STAG1: variants seen among roughly 807,000 people sequenced by gnomAD.
STAG1 encodes the protein STAG1 cohesin complex component, also known as cohesin subunit SA-1.
Under a neutral mutation model 170.9 loss-of-function variants are expected in STAG1, and 26 were observed. That is an observed-to-expected ratio of 0.15 (90% CI 0.11 to 0.21). The LOEUF (loss-of-function observed/expected upper bound fraction) is 0.21. Ranked by LOEUF, STAG1 falls within the 10% of genes least tolerant of loss-of-function variation. STAG1 has a pLI of 1.00. For synonymous variants in STAG1, 514 were observed against 497.7 expected (o/e 1.03, Z -0.44); for missense variants, 964 against 1,509.5 (o/e 0.64, Z 5.99).
chr3:136,565,947 T>C (rs1411596585), intron 5 of STAG1, among the ~76,000 whole-genome samples: 1 of 152,220 alleles, frequency 6.6e-6, no homozygotes, highest in African/African-American at 2.4e-5. Context: ...ATGGTGTGGT[T>C]CCTTTTATAT....
chr3:136,716,892 A>G (rs1576803764), intron 1 of STAG1, among the ~76,000 whole-genome samples: 1 of 152,352 alleles, frequency 6.6e-6, no homozygotes, highest in East Asian at 1.9e-4. Flanking sequence ...TTCCAAGCCT[A>G]GTTTCCTCAT....
At chr3:136,690,940 C>A (rs969701216) in intron 1 of STAG1, among the ~76,000 whole-genome samples, 1 of 151,068 alleles carries the variant, frequency 6.6e-6, no homozygotes, top group South Asian at 2.1e-4. Context: ...ACTGCAATAT[C>A]CAACGGGGCA....
At chr3:136,451,791 A>T (rs2088950418) in intron 14 of STAG1, among the ~76,000 whole-genome samples, 2 of 152,038 alleles carry the variant, frequency 1.3e-5, no homozygotes, top group Admixed American at 1.3e-4. Flanking sequence ...GATATGCAGT[A>T]TTGCAATACT....
At chr3:136,395,687 A>T (rs755809245) in intron 22 of STAG1, among the ~76,000 whole-genome samples, 6 of 152,218 alleles carry the variant, frequency 3.9e-5, no homozygotes, top group Non-Finnish European at 5.9e-5. Context: ...ACTATCAATT[A>T]TGCTGAATTT....
At chr3:136,390,722 G>C (rs1335220933) in intron 22 of STAG1, among the ~76,000 whole-genome samples, 2 of 152,188 alleles carry the variant, frequency 1.3e-5, no homozygotes, top group Non-Finnish European at 2.9e-5. Flanking sequence ...TCTCAAAGCA[G>C]TTAACTCTGC....
chr3:136,405,791 C>CAA (rs34952291), intron 21 of STAG1, among the ~76,000 whole-genome samples: 508 of 50,088 alleles, frequency 0.01, 26 homozygotes, highest in African/African-American at 0.03. Context: ...ACTCTATCTC[C>CAA]AAAAAAAAAA....
intron 1 of STAG1, among the ~76,000 whole-genome samples, chr3:136,727,703 T>C (rs1018659103): frequency 2.6e-5 from 4 of 152,234 alleles, no homozygotes; most frequent in African/African-American, 7.2e-5. Context: ...GAAAGCGAAA[T>C]ATCCATTAAC....
At position 136,534,357 on chromosome 3, in the gene STAG1, G is replaced by A. The variant is rs576337053; in HGVS notation, c.471+7762C>T. Among the ~76,000 whole-genome samples the A allele has an allele frequency of 3.3e-5, 5 of 152,114 alleles. No individual in the cohort carries two copies. The South Asian group carries it at 8.3e-4, about 25-fold the overall frequency. On this transcript the variant is annotated intron_variant, in intron 6 of 33. Coordinates refer to ENST00000383202, the MANE Select transcript of STAG1 (RefSeq NM_005862.3). Reference sequence around the variant, plus strand: ...CACTGGTCTAGGCAAATAATTTATAGCCAAGACATCAAAAGCACAGACAAC... The same window carrying A: ...CACTGGTCTAGGCAAATAATTTATAACCAAGACATCAAAAGCACAGACAAC...
chr3:136,614,658 T>C (rs143597392), intron 3 of STAG1, among the ~76,000 whole-genome samples: 1 of 152,224 alleles, frequency 6.6e-6, no homozygotes, highest in Non-Finnish European at 1.5e-5. Flanking sequence ...ACATTTCTAG[T>C]AAACTGTTTT....
intron 5 of STAG1, among the ~76,000 whole-genome samples, chr3:136,559,020 T>C (rs1456344587): frequency 6.6e-6 from 1 of 152,188 alleles, no homozygotes; most frequent in Non-Finnish European, 1.5e-5. Context: ...AGAAATGTGC[T>C]ACTGGCATCT....
At chr3:136,525,284 G>A (rs1410163434) in intron 6 of STAG1, among the ~76,000 whole-genome samples, 1 of 152,164 alleles carries the variant, frequency 6.6e-6, no homozygotes, top group African/African-American at 2.4e-5. Context: ...CCTGTTATTG[G>A]TCTATTCAGG....
chr3:136,490,638 A>C (rs890605004), intron 9 of STAG1, among the ~76,000 whole-genome samples: 5 of 152,224 alleles, frequency 3.3e-5, no homozygotes, highest in Non-Finnish European at 5.9e-5. Context: ...TGACCCCCAC[A>C]TTAGATCAAA....
chr3:136,506,732 T>C (rs879240178), intron 7 of STAG1, among the ~76,000 whole-genome samples: 2 of 150,802 alleles, frequency 1.3e-5, no homozygotes, highest in Admixed American at 1.3e-4. Flanking sequence ...ATGAGATAAA[T>C]GGAAAGGGCA....
chr3:136,714,414 G>A (rs1009864416), intron 1 of STAG1, among the ~76,000 whole-genome samples: 5 of 152,112 alleles, frequency 3.3e-5, no homozygotes, highest in South Asian at 2.1e-4. Context: ...GCAACGTACC[G>A]AGAACTCATC....
At chr3:136,671,605 G>A (rs1445887177) in intron 1 of STAG1, among the ~76,000 whole-genome samples, 4 of 152,156 alleles carry the variant, frequency 2.6e-5, no homozygotes, top group African/African-American at 9.7e-5. Flanking sequence ...GTATTACACT[G>A]GCAAACAGGG....
At chr3:136,647,527 C>T (rs1459765918) in intron 1 of STAG1, among the ~76,000 whole-genome samples, 2 of 152,164 alleles carry the variant, frequency 1.3e-5, no homozygotes, top group Non-Finnish European at 2.9e-5. Context: ...CGAGATCGTG[C>T]CATTGCACTC....
intron 1 of STAG1, among the ~76,000 whole-genome samples, chr3:136,704,922 C>G (rs866628426): frequency 2.0e-5 from 3 of 151,366 alleles, no homozygotes; most frequent in South Asian, 4.2e-4. Context: ...AACAATGGAG[C>G]CCCGAAATTG....
At chr3:136,668,453 A>T (rs1484524239) in intron 1 of STAG1, among the ~76,000 whole-genome samples, 1 of 147,344 alleles carries the variant, frequency 6.8e-6, no homozygotes, top group South Asian at 2.1e-4. Flanking sequence ...TTATATTTAT[A>T]TATCTATAAA....
At chr3:136,743,440 G>C (rs563795964) in intron 1 of STAG1, among the ~76,000 whole-genome samples, 1 of 151,152 alleles carries the variant, frequency 6.6e-6, no homozygotes, top group East Asian at 1.9e-4. Context: ...ACAGACATTA[G>C]AAGGATAGCA....
Sources: allele counts gnomAD v4.1 joint callset (sites outside exome capture counted in the v4.1 genomes callset), GRCh38; gene constraint gnomAD v4.1.1; transcripts MANE v1.5; gene names NCBI Gene and HGNC (gene_info 2026-07-23, HGNC 2026-07-21).